Variants in TBCB observed in about 807,000 individuals in gnomAD.
TBCB encodes tubulin folding cofactor B, also known as tubulin-folding cofactor B.
In TBCB, 18 loss-of-function variants were observed where a neutral mutation model predicts 29.2. That is an observed-to-expected ratio of 0.62 (90% confidence interval 0.43 to 0.91). The LOEUF is 0.91. TBCB is among the 40% of genes least tolerant of loss of function. The pLI is 0.00. For synonymous variants in TBCB, 172 were observed against 137.8 expected (o/e 1.25, Z -1.74); for missense variants, 336 against 337.6 (o/e 1.00, Z 0.04).
In TBCB at chr19:36,120,761, G is replaced by T. The variant is rs1220426773; in HGVS notation, c.310G>T (p.Val104Leu). The T allele has an allele frequency of 1.2e-6, 2 of 1,613,976 alleles. No homozygotes were observed. The change falls in exon 3 of 6, where the codon GTG (valine) becomes TTG (leucine). Residue 104 changes from valine to leucine, a missense_variant. Transcript: ENST00000221855. ...RLGEYEDVSR[V>L]EKYTISQEAY... ...TGGTGAGTATGAGGACGTGTCCCGG[G>T]TGGAGAAGTACACGATCTCACAAGA...
rs768992524 is a variant in TBCB at position 36,125,468 on chromosome 19, C to A, written c.565C>A (p.Pro189Thr). 7.4e-6 allele frequency: 12 copies of A among 1,614,114 alleles called. No homozygotes were observed. The East Asian group carries it at 2.4e-4, about 33-fold the overall frequency. Residue 189 changes from proline (P) to threonine (T), a missense_variant, in exon 5 of 6, where the codon CCT (proline) becomes ACT (threonine). Coordinates refer to ENST00000221855, the MANE Select transcript of TBCB (RefSeq NM_001281.3). ...GTTGGCAGGTCTCACAGATTTCAAG[C>A]CTGGCTACTGGATTGGTGTCCGCTA... ...VMYVGLTDFK[P>T]GYWIGVRYDE...
At position 36,121,613 on chromosome 19, in the gene TBCB, C is replaced by G; in HGVS notation, c.442C>G (p.Arg148Gly). The change falls in exon 4 of 6, where the codon CGC (arginine) becomes GGC (glycine). Residue 148 changes from arginine to glycine, a missense_variant. Physicochemically the swap from Arg to Gly is moderately radical, Grantham distance 125. Transcript: ENST00000221855. ...RAQQEAEAAQ[R>G]LAEEKAQASS... The stretch of plus-strand genomic sequence containing the variant: ...TCAGCAGGAGGCCGAGGCCGCCCAG[C>G]GCCTGGCCGAGGAGAAGGCCCAGGC... 1.9e-6 allele frequency: 3 copies of G among 1,554,136 alleles called. No individual in the cohort carries two copies. Among genetic ancestry groups the G allele is most frequent in the Non-Finnish European group, 2.6e-6 (3 of 1,150,536 alleles).
chr19:36,119,825 G>C (rs1393119285), intron 2 of TBCB, among the ~76,000 whole-genome samples: 1 of 151,742 alleles, frequency 6.6e-6, no homozygotes, highest in Non-Finnish European at 1.5e-5. Flanking sequence ...TTTGCAGTGA[G>C]GCAGAGGTTT....
At chr19:36,125,396 A>C in intron 4 of TBCB, 55 bp from the exon 5 acceptor site, 1 of 1,593,000 alleles carries the variant, frequency 6.3e-7, no homozygotes, top group Non-Finnish European at 8.6e-7. Context: ...CTGAAATTTC[A>C]TGGGGATTTC....
At chr19:36,121,951 G>C in intron 4 of TBCB, 2 of 613,608 alleles carry the variant, frequency 3.3e-6, no homozygotes, top group Non-Finnish European at 5.6e-6. Flanking sequence ...CAGCGAGGGA[G>C]GAAGCAGAAG....
At chr19:36,117,956 G>T (rs1973982935) in intron 2 of TBCB, 1 of 151,458 alleles carries the variant, frequency 6.6e-6, no homozygotes, top group African/African-American at 2.4e-5. Context: ...AGTAGAGACG[G>T]GGTTTCACCA....
chr19:36,116,045 A>G lies in TBCB; in HGVS notation c.119A>G (p.Lys40Arg). Residue 40 changes from lysine (K) to arginine (R), a missense_variant, in exon 2 of 6, where the codon AAA becomes AGA. Transcript: ENST00000221855. ...RSLTIAEFKC[K>R]LELLVGSPAS... ...CACCCTGCCTCCTCCTCACAGTGTA[A>G]ACTGGAGTTGCTGGTGGGCAGCCCT... The G allele has an allele frequency of 6.2e-7, 1 of 1,613,942 alleles. No individual in the cohort carries two copies. Among genetic ancestry groups the G allele is most frequent in the South Asian group, 1.1e-5 (1 of 91,066 alleles).
intron 1 of TBCB, 131 bp from the exon 2 acceptor site, chr19:36,115,910 G>A (rs1180397685): frequency 1.2e-5 from 17 of 1,374,680 alleles, no homozygotes; most frequent in Non-Finnish European, 1.7e-5. Flanking sequence ...CAAGAGGCGA[G>A]GGGCTGGATT....
At chr19:36,115,121 C>G (rs1243419485), upstream of TBCB, 7 of 574,834 alleles carry the variant, frequency 1.2e-5, no homozygotes, top group Non-Finnish European at 1.8e-5. Flanking sequence ...GGTGCCAGAG[C>G]CGGGAAAACG....
intron 5 of TBCB, 70 bp from the exon 6 acceptor site, chr19:36,125,598 C>G: frequency 6.2e-7 from 1 of 1,608,928 alleles, no homozygotes; most frequent in Non-Finnish European, 8.5e-7. Flanking sequence ...GCTGAGCTGC[C>G]CATGCCAGCT....
chr19:36,119,369 C>T (rs536110935), intron 2 of TBCB, among the ~76,000 whole-genome samples: 1 of 152,284 alleles, frequency 6.6e-6, no homozygotes, highest in East Asian at 1.9e-4. Context: ...CCGCTCTCTC[C>T]CTCACCCCCA....
intron 2 of TBCB, 88 bp from the exon 3 acceptor site, chr19:36,120,622 C>T (rs1014916907): frequency 1.8e-6 from 2 of 1,132,990 alleles, no homozygotes; most frequent in Admixed American, 1.9e-5. Flanking sequence ...TGCGTTTTTC[C>T]CAGATGGAGA....
chr19:36,125,432 A>T lies in TBCB; in HGVS notation c.548-19A>T. 3 of 1,613,652 alleles carry T rather than the reference A, an allele frequency of 1.9e-6. No individual in the cohort carries two copies. The highest frequency in any genetic ancestry group is 2.5e-6 in the Non-Finnish European group (3 of 1,179,566). The stretch of plus-strand genomic sequence containing the variant: ...TTCTATGTCCAGAAGCTTCACAGGG[A>T]TTTCTCTTCTGTTGGCAGGTCTCAC... On this transcript the variant is annotated intron_variant, in intron 4 of 5. Transcript: ENST00000221855.
In TBCB at chr19:36,125,671, G is replaced by A. The variant is rs765186291; in HGVS notation, c.624G>A (p.Val208=). The A allele has an allele frequency of 2.8e-5, 45 of 1,583,470 alleles. No homozygotes were observed. The Middle Eastern group carries it at 6.7e-4, about 24-fold the overall frequency. ...DEPLGKNDGS[V]NGKRYFECQA... Reference sequence around the variant, plus strand: ...CCACCCCTATCCTTTCCTGCAGTGTGAATGGGAAACGCTACTTCGAATGCC... The same window carrying A: ...CCACCCCTATCCTTTCCTGCAGTGTAAATGGGAAACGCTACTTCGAATGCC... Residue 208 remains valine (V), a synonymous_variant, in exon 6 of 6, where the codon GTG becomes GTA. Transcript: ENST00000221855.
At chr19:36,121,316 C>T (rs1974045834) in intron 3 of TBCB, among the ~76,000 whole-genome samples, 1 of 151,834 alleles carries the variant, frequency 6.6e-6, no homozygotes, top group Non-Finnish European at 1.5e-5. Context: ...GGGGTGCAGG[C>T]GGCACCCCTT....
rs1024693160 is a variant in TBCB, at chr19:36,125,941, A to G, written c.*159A>G. 4 of 497,224 alleles carry G rather than the reference A, an allele frequency of 8.0e-6. No individual in the cohort carries two copies. Among genetic ancestry groups the G allele is most frequent in the African/African-American group, 7.9e-5 (4 of 50,462 alleles). 30.8% of individuals were successfully genotyped at this position (497,224 alleles called of 1,614,324 possible). On this transcript the variant is annotated 3_prime_UTR_variant, in exon 6 of 6. Coordinates refer to ENST00000221855, the MANE Select transcript of TBCB (RefSeq NM_001281.3). The stretch of plus-strand genomic sequence containing the variant: ...CATGCATTAAATTCACTAGAAACCC[A>G]GAAAGTATTTAGAGGACTTCATGAT...
At position 36,116,027 on chromosome 19, in the gene TBCB, C is replaced by T. The variant is rs1973946411; in HGVS notation, c.115-14C>T. ...CCGTGGCCTCCTTCTTCTCACCCTG[C>T]CTCCTCCTCACAGTGTAAACTGGAG... On this transcript the variant is annotated splice_polypyrimidine_tract_variant and intron_variant, in intron 1 of 5. Coordinates refer to ENST00000221855, the MANE Select transcript of TBCB (RefSeq NM_001281.3). 2 of 1,610,174 alleles carry T rather than the reference C, an allele frequency of 1.2e-6. No individual in the cohort carries two copies. The highest frequency in any genetic ancestry group is 2.2e-5 in the South Asian group (2 of 90,962).
At chr19:36,116,368 G>A (rs949621547) in intron 2 of TBCB, 184 bp downstream of exon 2, 72 of 736,782 alleles carry the variant, frequency 9.8e-5, no homozygotes, top group Middle Eastern at 8.3e-4. Flanking sequence ...GTCTGGGCTG[G>A]GATCAGGAAA....
At chr19:36,121,892 C>T (rs2145909673) in intron 4 of TBCB, 174 bp downstream of exon 4, 1 of 850,190 alleles carries the variant, frequency 1.2e-6, no homozygotes, top group East Asian at 2.7e-5. Flanking sequence ...CACTGACGGC[C>T]CAGAGTGTTT....
Sources: gnomAD v4.1 joint callset for allele counts (sites outside exome capture counted in the v4.1 genomes callset) on GRCh38, gnomAD v4.1.1 for gene constraint, MANE v1.5 for transcripts, NCBI Gene and HGNC (gene_info 2026-07-23, HGNC 2026-07-21) for gene names.